Variants in PDE10A observed in about 807,000 individuals in gnomAD.
The protein encoded by PDE10A is phosphodiesterase 10A.
A neutral mutation model predicts 97.7 loss-of-function variants in PDE10A; 39 were observed. The observed-to-expected ratio is 0.40, with a 90% CI of 0.31 to 0.52. PDE10A has a LOEUF of 0.52. Among genes scored for constraint, PDE10A ranks in the 20% least tolerant of loss-of-function variants. The pLI is 0.56. For synonymous variants in PDE10A, 371 were observed against 376.8 expected (o/e 0.98, Z 0.18); for missense variants, 731 against 1,047.8 (o/e 0.70, Z 4.17).
intron 1 of PDE10A, among the ~76,000 whole-genome samples, chr6:165,603,173 T>G (rs1214328967): frequency 2.0e-5 from 3 of 152,210 alleles, no homozygotes; most frequent in Non-Finnish European, 2.9e-5. Context: ...GTCCAAAGAC[T>G]CTGCATGAGT....
At chr6:165,876,213 T>A (rs2280559) in intron 1 of PDE10A, among the ~76,000 whole-genome samples, 6 of 151,818 alleles carry the variant, frequency 4.0e-5, no homozygotes, top group African/African-American at 1.5e-4. Flanking sequence ...AAGAAGGGGG[T>A]ATACTTATCA....
intron 1 of PDE10A, among the ~76,000 whole-genome samples, chr6:165,644,751 G>A (rs1184799425): frequency 6.6e-6 from 1 of 152,214 alleles, no homozygotes; most frequent in Non-Finnish European, 1.5e-5. Context: ...GCCTTCCCCT[G>A]TGGAAGGCCA....
intron 1 of PDE10A, among the ~76,000 whole-genome samples, chr6:165,712,298 C>T (rs1330383791): frequency 2.0e-5 from 3 of 152,098 alleles, no homozygotes; most frequent in Non-Finnish European, 2.9e-5. Context: ...GCCGAATGCC[C>T]GAAGAGTAGG....
chr6:165,749,792 A>C (rs1047599292), intron 1 of PDE10A, among the ~76,000 whole-genome samples: 13 of 152,326 alleles, frequency 8.5e-5, no homozygotes, highest in African/African-American at 2.9e-4. Context: ...GGCAAATCAA[A>C]ATACCAGCTA....
chr6:165,875,263 G>A (rs1781301925), intron 1 of PDE10A, among the ~76,000 whole-genome samples: 1 of 152,076 alleles, frequency 6.6e-6, no homozygotes, highest in South Asian at 2.1e-4. Flanking sequence ...GTCATTGTTG[G>A]CAAAAATGGA....
At chr6:165,669,898 A>G (rs922386743) in intron 1 of PDE10A, among the ~76,000 whole-genome samples, 24 of 152,272 alleles carry the variant, frequency 1.6e-4, no homozygotes, top group Non-Finnish European at 3.4e-4. Context: ...TTCAAATTTA[A>G]AAAAGAATAC....
intron 1 of PDE10A, among the ~76,000 whole-genome samples, chr6:165,581,227 C>T (rs913520239): frequency 6.6e-5 from 10 of 152,160 alleles, no homozygotes; most frequent in African/African-American, 2.4e-4. Flanking sequence ...TAGAACCTCA[C>T]CATGCTTTGA....
chr6:165,817,056 C>G (rs1438740101), intron 1 of PDE10A, among the ~76,000 whole-genome samples: 1 of 152,080 alleles, frequency 6.6e-6, no homozygotes, highest in Non-Finnish European at 1.5e-5. Flanking sequence ...GAGGAAAAAG[C>G]CAACAACCGT....
In PDE10A at chr6:165,691,099, T is replaced by TCTCTCTCTCTC. The variant is rs34189554; in HGVS notation, c.-614-147532_-614-147531insGAGAGAGAGAG. On this transcript the variant is annotated intron_variant, in intron 1 of 19. Coordinates refer to the PDE10A transcript ENST00000366882. The stretch of plus-strand genomic sequence containing the variant: ...TTTCTCTCTCTCTCTCTCTCTCTCT[T>TCTCTCTCTCTC]TCTCTCTCCCCCCCCCCATCAGTGC... 2.6e-3 allele frequency among the ~76,000 whole-genome samples: 140 copies of TCTCTCTCTCTC among 53,298 alleles called. 28 individuals carry two copies. Among genetic ancestry groups the TCTCTCTCTCTC allele is most frequent in the African/African-American group, 0.014 (121 of 8,556 alleles). 35.0% of individuals were successfully genotyped at this position (53,298 alleles called of 152,430 possible).
At chr6:165,927,071 C>A (rs1400502999) in intron 1 of PDE10A, among the ~76,000 whole-genome samples, 16 of 67,458 alleles carry the variant, frequency 2.4e-4, no homozygotes, top group Non-Finnish European at 4.3e-4. Flanking sequence ...ACACTGGGGC[C>A]TGTTGGGGGG....
chr6:165,340,428 G>C (rs1175237124), intron 19 of PDE10A, among the ~76,000 whole-genome samples: 3 of 152,164 alleles, frequency 2.0e-5, no homozygotes, highest in African/African-American at 7.2e-5. Context: ...CAGGACCAAA[G>C]CACTTGTCCT....
chr6:165,521,855 C>A (rs186136502), intron 2 of PDE10A, among the ~76,000 whole-genome samples: 88 of 152,218 alleles, frequency 5.8e-4, no homozygotes, highest in African/African-American at 1.9e-3. Context: ...AGATGATTCA[C>A]GAAGGTAGCT....
At chr6:165,427,096 C>G (rs970724276) in intron 10 of PDE10A, among the ~76,000 whole-genome samples, 1 of 152,028 alleles carries the variant, frequency 6.6e-6, no homozygotes, top group Non-Finnish European at 1.5e-5. Context: ...CATGACCCAG[C>G]AATTCCACTC....
At chr6:165,839,222 G>C (rs1780147637) in intron 1 of PDE10A, among the ~76,000 whole-genome samples, 1 of 152,166 alleles carries the variant, frequency 6.6e-6, no homozygotes, top group Non-Finnish European at 1.5e-5. Flanking sequence ...ATATTCAAAA[G>C]TACTTTACGC....
At chr6:165,784,578 C>A (rs998786266) in intron 1 of PDE10A, among the ~76,000 whole-genome samples, 1 of 152,202 alleles carries the variant, frequency 6.6e-6, no homozygotes, top group African/African-American at 2.4e-5. Context: ...AATGCGCACT[C>A]AAAAATTATC....
chr6:165,484,105 A>G (rs1415926121), intron 2 of PDE10A, among the ~76,000 whole-genome samples: 1 of 152,262 alleles, frequency 6.6e-6, no homozygotes, highest in Non-Finnish European at 1.5e-5. Context: ...GAACTATAGT[A>G]TTCTACTTAA....
At chr6:165,634,819 G>A (rs1447843837) in intron 1 of PDE10A, among the ~76,000 whole-genome samples, 2 of 152,210 alleles carry the variant, frequency 1.3e-5, no homozygotes, top group Non-Finnish European at 2.9e-5. Context: ...CGTGCCCCAA[G>A]TGTCAGTCTT....
exon 1 of PDE10A, chr6:165,987,663 G>C (rs1408771418): frequency 4.4e-6 from 2 of 456,734 alleles, no homozygotes; most frequent in Admixed American, 2.3e-5. Context: ...AGGGTTCCAT[G>C]GAGAACTGCG....
chr6:165,567,994 AT>A (rs386409260), intron 1 of PDE10A, among the ~76,000 whole-genome samples: 2,273 of 130,332 alleles, frequency 0.017, 25 homozygotes, highest in African/African-American at 0.052. Flanking sequence ...GCAACAAGGC[AT>A]TTTTTTTTTT....
Sources: gnomAD v4.1 joint callset for allele counts (sites outside exome capture counted in the v4.1 genomes callset) on GRCh38, gnomAD v4.1.1 for gene constraint, MANE v1.5 for transcripts, NCBI Gene and HGNC (gene_info 2026-07-23, HGNC 2026-07-21) for gene names.